DPEP3: variants seen among roughly 807,000 people sequenced by gnomAD.
DPEP3 encodes dipeptidase 3.
Under a neutral mutation model 47.5 loss-of-function variants are expected in DPEP3, and 42 were observed. The observed-to-expected ratio is 0.88, with a 90% CI of 0.69 to 1.14. The LOEUF (loss-of-function observed/expected upper bound fraction) is 1.14. Ranked by LOEUF, DPEP3 falls within the 50% of genes most tolerant of loss-of-function variation. The pLI, the probability that DPEP3 is intolerant of heterozygous loss-of-function variation, is 0.00. For synonymous variants in DPEP3, 276 were observed against 270.2 expected (o/e 1.02, Z -0.21); for missense variants, 560 against 635.0 (o/e 0.88, Z 1.27).
chr16:67,980,205 C>A lies in DPEP3; in HGVS notation c.176G>T (p.Gly59Val). 6.2e-7 allele frequency: 1 copy of A among 1,610,100 alleles called. No individual in the cohort carries two copies. The highest frequency in any genetic ancestry group is 8.5e-7 in the Non-Finnish European group (1 of 1,178,194). Residue 59 changes from glycine to valine, a missense_variant, in exon 1 of 10, where the codon GGT becomes GTT. Coordinates refer to ENST00000268793, the MANE Select transcript of DPEP3 (RefSeq NM_001370198.1). ...LGSPSLFTTP[G>V]VPSALTTPGL... Reference sequence around the variant, plus strand: ...TGGGGTAGTGAGGGCGCTGGGGACACCCGGCGTGGTGAAGAGGCTGGGGGA... The same window carrying A: ...TGGGGTAGTGAGGGCGCTGGGGACAACCGGCGTGGTGAAGAGGCTGGGGGA...
At position 67,980,450 on chromosome 16, in the gene DPEP3, G is replaced by A; in HGVS notation, c.-70C>T. Reference sequence around the variant, plus strand: ...GGGCAGAGGCCGACAATGGGGTCCGGATCATGACGACCCAGCCTCCCGAAG... The same window carrying A: ...GGGCAGAGGCCGACAATGGGGTCCGAATCATGACGACCCAGCCTCCCGAAG... On this transcript the variant is annotated 5_prime_UTR_variant, in exon 1 of 10. Transcript: ENST00000268793. 1 of 1,453,686 alleles carries A rather than the reference G, an allele frequency of 6.9e-7. No homozygotes were observed. The highest frequency in any genetic ancestry group is 2.6e-5 in the East Asian group (1 of 37,956). The allele number at this position is 1,453,686 out of a possible 1,614,324, so 90.0% of individuals were successfully genotyped here.
chr16:67,976,301 C>A, intron 8 of DPEP3, 73 bp from the exon 9 acceptor site: 1 of 1,584,328 alleles, frequency 6.3e-7, no homozygotes, highest in Non-Finnish European at 8.6e-7. Flanking sequence ...GCCCACCAGC[C>A]CTAGTCACAC....
In DPEP3 at chr16:67,975,686, C is replaced by T; in HGVS notation, c.*79G>A. The T allele has an allele frequency of 7.4e-7, 1 of 1,355,348 alleles. No individual in the cohort carries two copies. Among genetic ancestry groups the T allele is most frequent in the Non-Finnish European group, 1.0e-6 (1 of 980,336 alleles). 84.0% of individuals were successfully genotyped at this position (1,355,348 alleles called of 1,614,324 possible). ...GCTCCATGTGTAACATGTTTATTCTCAGCATATGCTTGTGAATGAACTAGG... is the reference window on the plus strand; with the variant it reads ...GCTCCATGTGTAACATGTTTATTCTTAGCATATGCTTGTGAATGAACTAGG... On this transcript the variant is annotated 3_prime_UTR_variant, in exon 10 of 10. Transcript: ENST00000268793.
Position 67,979,651 on chromosome 16 carries a change from G to A in DPEP3, c.402C>T (p.Leu134=), listed in dbSNP as rs61743289. 2.0e-4 allele frequency: 320 copies of A among 1,613,848 alleles called. No individual in the cohort carries two copies. Among genetic ancestry groups the A allele is most frequent in the Admixed American group, 4.3e-4 (26 of 60,010 alleles). ...QTSLDRLRDG[L]VGAQFWSASV... is the part of the protein sequence containing the mutation. ...GTCCCTGTGGTACCTGGGCACCCAC[G>A]AGGCCGTCTCTAAGCCTGTCCAGGC... is the stretch of plus-strand genomic sequence containing the variant. Residue 134 remains leucine, a synonymous_variant, in exon 2 of 10, where the codon CTC becomes CTT. Transcript: ENST00000268793.
rs761098052 is a variant in DPEP3, at chr16:67,976,082, G to A, written c.1230+11C>T. 7.4e-6 allele frequency: 12 copies of A among 1,614,034 alleles called. No homozygotes were observed. The highest frequency in any genetic ancestry group is 1.0e-5 in the Non-Finnish European group (12 of 1,180,010). On this transcript the variant is annotated intron_variant, in intron 9 of 9. Transcript: ENST00000268793. ...AACCACTGAACCATCCTGTCCACCAGCCCAGCTTACCTTTTCCACTTGTCT... is the reference window on the plus strand; with the variant it reads ...AACCACTGAACCATCCTGTCCACCAACCCAGCTTACCTTTTCCACTTGTCT...
rs772589313 is a variant in DPEP3 at position 67,979,776 on chromosome 16, G to C, written c.288-11C>G. 3 of 1,613,460 alleles carry C rather than the reference G, an allele frequency of 1.9e-6. No homozygotes were observed. The highest frequency in any genetic ancestry group is 2.5e-6 in the Non-Finnish European group (3 of 1,179,770). ...GGCAGGTCATTGTGGCTGGGGGTGTGAAGGTCAGATGGAAACACCGCCTCC... is the reference window on the plus strand; with the variant it reads ...GGCAGGTCATTGTGGCTGGGGGTGTCAAGGTCAGATGGAAACACCGCCTCC... On this transcript the variant is annotated splice_polypyrimidine_tract_variant and intron_variant, in intron 1 of 9. Transcript: ENST00000268793.
At position 67,975,990 on chromosome 16, in the gene DPEP3, C is replaced by G; in HGVS notation, c.1242G>C (p.Glu414Asp). 4 of 1,613,926 alleles carry G rather than the reference C, an allele frequency of 2.5e-6. No individual in the cohort carries two copies. The highest frequency in any genetic ancestry group is 3.4e-6 in the Non-Finnish European group (4 of 1,179,834). The change falls in exon 10 of 10, where the codon GAG becomes GAC. Residue 414 changes from glutamate (E) to aspartate (D), a missense_variant. Glu to Asp is a conservative substitution (Grantham distance 45, BLOSUM62 2). Coordinates refer to ENST00000268793, the MANE Select transcript of DPEP3 (RefSeq NM_001370198.1). ...VFRQVEKVRE[E>D]SRAQSPVEAE... Reference sequence around the variant, plus strand: ...CCTCCACGGGGCTCTGCGCCCTGCTCTCCTCTCTCACCTGGGGGAGGAAGT... The same window carrying G: ...CCTCCACGGGGCTCTGCGCCCTGCTGTCCTCTCTCACCTGGGGGAGGAAGT...
chr16:67,977,811 T>C lies in DPEP3; in HGVS notation c.775A>G (p.Asn259Asp). Residue 259 changes from asparagine to aspartate, a missense_variant, in exon 6 of 10, where the codon AAC (asparagine) becomes GAC (aspartate). Transcript: ENST00000268793. ...SFGEKVVEEL[N>D]RLGMMIDLSY... ...AAATCTATCATCATGCCCAGGCGGT[T>C]CAACTCCTCTACTACTTTCTGCAGA... 1 of 1,613,966 alleles carries C rather than the reference T, an allele frequency of 6.2e-7. No homozygotes were observed. The highest frequency in any genetic ancestry group is 1.1e-5 in the South Asian group (1 of 91,082).
Position 67,980,157 on chromosome 16 carries a change from G to C in DPEP3, c.224C>G (p.Pro75Arg). ...GCGACCCCGAAGGTCCAGGGTTTTGGGGGTGCCTGGCGTAGTGAGGCCTGG... is the reference window on the plus strand; with the variant it reads ...GCGACCCCGAAGGTCCAGGGTTTTGCGGGTGCCTGGCGTAGTGAGGCCTGG... ...TTPGLTTPGT[P>R]KTLDLRGRAQ... Residue 75 changes from proline to arginine, a missense_variant, in exon 1 of 10, where the codon CCC (proline) becomes CGC (arginine). Pro to Arg is a moderately radical substitution (Grantham distance 103, BLOSUM62 -2). Coordinates refer to ENST00000268793, the MANE Select transcript of DPEP3 (RefSeq NM_001370198.1). 6.2e-7 allele frequency: 1 copy of C among 1,612,708 alleles called. No individual in the cohort carries two copies. The highest frequency in any genetic ancestry group is 1.1e-5 in the South Asian group (1 of 90,894).
rs1417550323 is a variant in DPEP3, at chr16:67,978,528, G to A, written c.513C>T (p.Tyr171=). The change falls in exon 3 of 10, where the codon TAC becomes TAT. Residue 171 remains tyrosine, a synonymous_variant. Coordinates refer to ENST00000268793, the MANE Select transcript of DPEP3 (RefSeq NM_001370198.1). The surrounding 1 kb of genome is among the most constrained non-coding windows in gnomAD (Gnocchi z 4.4). ...CTGAGGTCACAAGCTCGAGTTCAGA[G>A]TAGGAGGCACACATGCGGTGAATGA... is the stretch of plus-strand genomic sequence containing the variant. ...IDLIHRMCAS[Y]SELELVTSAE... The A allele has an allele frequency of 2.5e-6, 4 of 1,614,012 alleles. No homozygotes were observed. In the African/African-American group the frequency reaches 5.3e-5, roughly 22 times the overall value.
Position 67,977,687 on chromosome 16 carries a change from A to T in DPEP3, c.899T>A (p.Leu300Ter), listed in dbSNP as rs759933841. The change falls in exon 6 of 10, where the codon TTG becomes TAG. Residue 300 changes from leucine to a stop codon, truncating the protein, a stop_gained. Coordinates refer to ENST00000268793, the MANE Select transcript of DPEP3 (RefSeq NM_001370198.1). LOFTEE classifies it high-confidence loss of function. ...HSAARAVCDN[L>*]LNVPDDILQL... is the part of the protein sequence containing the mutation. ...CAGGATATCATCGGGAACATTCAAC[A>T]AATTGTCACACACAGCTCTGGCAGC... 2 of 1,612,636 alleles carry T rather than the reference A, an allele frequency of 1.2e-6. No individual in the cohort carries two copies. Among genetic ancestry groups the T allele is most frequent in the Non-Finnish European group, 1.7e-6 (2 of 1,179,322 alleles).
Position 67,978,043 on chromosome 16 carries a change from C to T in DPEP3, c.687-36G>A, listed in dbSNP as rs376731937. ...GCCATGGAAGGGCAATTTAGCTGATCACACCTTGGGCCATCACAGCCTGGG... is the reference window on the plus strand; with the variant it reads ...GCCATGGAAGGGCAATTTAGCTGATTACACCTTGGGCCATCACAGCCTGGG... On this transcript the variant is annotated intron_variant, in intron 4 of 9. Transcript: ENST00000268793. This position sits in a 1 kb window ranked among gnomAD's most constrained non-coding sequence, Gnocchi z 4.4. 1 of 1,612,774 alleles carries T rather than the reference C, an allele frequency of 6.2e-7. No individual in the cohort carries two copies.
chr16:67,979,619 CCT>C lies in DPEP3; in HGVS notation c.414+18_414+19del. On this transcript the variant is annotated intron_variant, in intron 2 of 9. Transcript: ENST00000268793. The stretch of plus-strand genomic sequence containing the variant: ...TCCCCCAGCAGCCATGCTGTGGCAC[CCT>C]GTGTGTCCCTGTGGTACCTGGGCAC... 1 of 1,612,702 alleles carries C rather than the reference CCT, an allele frequency of 6.2e-7. No individual in the cohort carries two copies. The highest frequency in any genetic ancestry group is 8.5e-7 in the Non-Finnish European group (1 of 1,179,564).
At position 67,978,946 on chromosome 16, in the gene DPEP3, C is replaced by T. The variant is rs255048; in HGVS notation, c.415-320G>A. Reference sequence around the variant, plus strand: ...TGTTGGCATTACAGATGTGAACTACCGAGCCTGGTTCCTTGATGACTGTTT... The same window carrying T: ...TGTTGGCATTACAGATGTGAACTACTGAGCCTGGTTCCTTGATGACTGTTT... On this transcript the variant is annotated intron_variant, in intron 2 of 9. Transcript: ENST00000268793. This position sits in a 1 kb window ranked among gnomAD's most constrained non-coding sequence, Gnocchi z 4.4. Among the ~76,000 whole-genome samples the T allele has an allele frequency of 0.098, 14,973 of 152,084 alleles. 930 individuals carry two copies. The highest frequency in any genetic ancestry group is 0.13 in the Admixed American group (1,921 of 15,248).
In DPEP3 at chr16:67,978,770, AC is replaced by A. The variant is rs1334774078; in HGVS notation, c.415-145del. ...TACATGACTCCATGGTACCTTGATG[AC>A]TTTTTTTAAAATTATTTTTTATTTT... On this transcript the variant is annotated intron_variant, in intron 2 of 9. Transcript: ENST00000268793. The surrounding 1 kb of genome is among the most constrained non-coding windows in gnomAD (Gnocchi z 4.4). The A allele has an allele frequency of 1.1e-6, 1 of 892,464 alleles. No homozygotes were observed. Among genetic ancestry groups the A allele is most frequent in the Non-Finnish European group, 1.7e-6 (1 of 605,082 alleles). The allele number at this position is 892,464 out of a possible 1,614,324, so 55.3% of individuals were successfully genotyped here. A position where few individuals can be genotyped will look rare whatever the true frequency, so the allele number is the denominator to read the frequency against.
rs759932206 is a variant in DPEP3 at position 67,976,161 on chromosome 16, A to G, written c.1162T>C (p.Trp388Arg). The G allele has an allele frequency of 1.2e-6, 2 of 1,614,198 alleles. No individual in the cohort carries two copies. Among genetic ancestry groups the G allele is most frequent in the Admixed American group, 3.3e-5 (2 of 60,014 alleles). The change falls in exon 9 of 10, where the codon TGG (tryptophan) becomes CGG (arginine). Residue 388 changes from tryptophan (W) to arginine (R), a missense_variant. Physicochemically the swap from Trp to Arg is moderately radical, Grantham distance 101 (BLOSUM62 -3). Transcript: ENST00000268793. ...VLIEELLSRS[W>R]SEEELQGVLR... ...ACACCTTGAAGCTCTTCCTCGCTCC[A>G]GCTACGACTCAGCAACTCCTCTATC...
At chr16:67,976,825 C>G (rs1446529322) in intron 7 of DPEP3, 50 bp from the exon 8 acceptor site, 1 of 1,506,652 alleles carries the variant, frequency 6.6e-7, no homozygotes, top group East Asian at 2.3e-5. Flanking sequence ...GACCCTGGCA[C>G]CAGCCCTGTC....
chr16:67,976,133 A>G lies in DPEP3; in HGVS notation c.1190T>C (p.Leu397Pro). 1 of 1,614,180 alleles carries G rather than the reference A, an allele frequency of 6.2e-7. No individual in the cohort carries two copies. The highest frequency in any genetic ancestry group is 8.5e-7 in the Non-Finnish European group (1 of 1,180,026). Residue 397 changes from leucine to proline, a missense_variant, in exon 9 of 10, where the codon CTT (leucine) becomes CCT (proline). Physicochemically the swap from Leu to Pro is moderately conservative, Grantham distance 98 (BLOSUM62 -3). Coordinates refer to ENST00000268793, the MANE Select transcript of DPEP3 (RefSeq NM_001370198.1). ...GAAGACCCGCAGCAGGTTTCCACGA[A>G]GGACACCTTGAAGCTCTTCCTCGCT... ...SWSEEELQGVLRGNLLRVFRQ... is the reference protein window; with the variant it reads ...SWSEEELQGVPRGNLLRVFRQ...
Position 67,979,705 on chromosome 16 carries a change from G to GC in DPEP3, c.347_348insG (p.Asn116LysfsTer16). The stretch of plus-strand genomic sequence containing the variant: ...TCTGACCATGGCTGAAATTTCGCAG[G>GC]TTAACATCCTGAAGCACATTCTTGT... On this transcript the variant is annotated frameshift_variant, in exon 2 of 10. Transcript: ENST00000268793. LOFTEE classifies it high-confidence loss of function. The GC allele has an allele frequency of 1.2e-6, 2 of 1,614,160 alleles. No homozygotes were observed. The highest frequency in any genetic ancestry group is 2.7e-5 in the African/African-American group (2 of 75,046).
Sources: gnomAD v4.1 joint callset for allele counts (sites outside exome capture counted in the v4.1 genomes callset) on GRCh38, gnomAD v4.1.1 for gene constraint, Gnocchi (gnomAD v3.1) non-coding constraint, MANE v1.5 for transcripts, NCBI Gene and HGNC (gene_info 2026-07-23, HGNC 2026-07-21) for gene names.